The following FAM83A variants were observed in gnomAD, a reference collection of about 807,000 sequenced individuals.
FAM83A encodes the protein scaffolding CK1 anchoring protein A.
In FAM83A, 21 loss-of-function variants were observed where a neutral mutation model predicts 24.4. The observed-to-expected ratio is 0.86, with a 90% CI of 0.61 to 1.24. The LOEUF (loss-of-function observed/expected upper bound fraction) is 1.24, where lower values mean the gene tolerates loss of function less well. FAM83A is among the 50% of genes most tolerant of loss of function. The pLI is 0.00. For missense variants in FAM83A, 617 were observed against 579.8 expected (o/e 1.06, Z -0.66); for synonymous variants, 270 against 252.4 (o/e 1.07, Z -0.66).
At chr8:123,185,710 G>A (rs1432658649) in intron 1 of FAM83A, among the ~76,000 whole-genome samples, 1 of 152,192 alleles carries the variant, frequency 6.6e-6, no homozygotes, top group African/African-American at 2.4e-5. Flanking sequence ...TGTCTGCCAG[G>A]CACCCAATAA....
intron 3 of FAM83A, among the ~76,000 whole-genome samples, chr8:123,204,899 G>C (rs561835790): frequency 1.3e-5 from 2 of 152,142 alleles, no homozygotes; most frequent in Non-Finnish European, 2.9e-5. Context: ...GGATCACAAG[G>C]TCAGGAGTTC....
At chr8:123,195,701 G>A (rs1824126494) in intron 3 of FAM83A, among the ~76,000 whole-genome samples, 1 of 152,042 alleles carries the variant, frequency 6.6e-6, no homozygotes, top group South Asian at 2.1e-4. Context: ...ATAGACTGCT[G>A]CCTTTTCACT....
At chr8:123,204,729 C>G (rs1381230596) in intron 3 of FAM83A, among the ~76,000 whole-genome samples, 2 of 151,884 alleles carry the variant, frequency 1.3e-5, no homozygotes, top group Non-Finnish European at 2.9e-5. Flanking sequence ...CCACTGCACT[C>G]CAGCCTGGAC....
chr8:123,207,154 C>T lies in FAM83A; in HGVS notation c.774-3C>T. 6.4e-7 allele frequency: 1 copy of T among 1,570,198 alleles called. No individual in the cohort carries two copies. The highest frequency in any genetic ancestry group is 8.7e-7 in the Non-Finnish European group (1 of 1,153,510). ...CATCACTCTCTCTCCTCTTCCCCTC[C>T]AGCTTCACCTGGCTCTGCGGACACG... On this transcript the variant is annotated splice_polypyrimidine_tract_variant and splice_region_variant and intron_variant, in intron 3 of 3. Transcript: ENST00000690554.
At chr8:123,207,585 T>A (rs1271606388) in exon 4 of FAM83A, 4 of 1,574,662 alleles carry the variant, frequency 2.5e-6, no homozygotes, top group Non-Finnish European at 3.4e-6. Flanking sequence ...TACAGCAACC[T>A]GGGGGCCTAC....
chr8:123,194,129 G>T, exon 3 of FAM83A: 1 of 1,614,046 alleles, frequency 6.2e-7, no homozygotes, highest in East Asian at 2.2e-5. Flanking sequence ...CTGGAGATTT[G>T]TCCTGTCTGG....
intron 3 of FAM83A, among the ~76,000 whole-genome samples, chr8:123,206,641 G>A (rs887770418): frequency 1.3e-5 from 2 of 152,216 alleles, no homozygotes; most frequent in Non-Finnish European, 2.9e-5. Flanking sequence ...CTGAGCACCA[G>A]GAGGGAGCCT....
chr8:123,182,568 T>C (rs1823630080), upstream of FAM83A: 1 of 620,652 alleles, frequency 1.6e-6, no homozygotes, highest in Admixed American at 2.1e-5. Flanking sequence ...AAATATCCCA[T>C]GGCTGACTGT....
intron 3 of FAM83A, among the ~76,000 whole-genome samples, chr8:123,194,640 C>T (rs151232370): frequency 0.015 from 2,339 of 152,196 alleles, 61 homozygotes; most frequent in African/African-American, 0.052. Flanking sequence ...CCCGCCACCA[C>T]GCCCAGCGAA....
At chr8:123,188,939 G>A (rs774581382) in intron 1 of FAM83A, among the ~76,000 whole-genome samples, 18 of 152,176 alleles carry the variant, frequency 1.2e-4, no homozygotes, top group Non-Finnish European at 2.1e-4. Flanking sequence ...CAAGATGCTG[G>A]GTTATTTCCA....
At chr8:123,182,556 G>A, upstream of FAM83A, 1 of 596,070 alleles carries the variant, frequency 1.7e-6, no homozygotes, top group Non-Finnish European at 3.1e-6. Flanking sequence ...TGGGAGGAGA[G>A]GAAATATCCC....
At chr8:123,187,444 C>A (rs969068145) in intron 1 of FAM83A, among the ~76,000 whole-genome samples, 1 of 152,172 alleles carries the variant, frequency 6.6e-6, no homozygotes, top group African/African-American at 2.4e-5. Flanking sequence ...GGTGAAGGTG[C>A]GGACATCAGA....
At chr8:123,184,979 A>G (rs1823742686) in intron 1 of FAM83A, among the ~76,000 whole-genome samples, 2 of 152,214 alleles carry the variant, frequency 1.3e-5, no homozygotes, top group South Asian at 4.1e-4. Flanking sequence ...TGAAGAGGCC[A>G]TGTGTGGAGG....
intron 3 of FAM83A, among the ~76,000 whole-genome samples, chr8:123,198,063 G>A (rs59413499): frequency 0.083 from 12,626 of 152,156 alleles, 1,534 homozygotes; most frequent in African/African-American, 0.27. Context: ...CCTGGGAGGC[G>A]TAGGCTGCAG....
intron 2 of FAM83A, among the ~76,000 whole-genome samples, chr8:123,193,726 C>T (rs62521847): frequency 0.18 from 26,924 of 152,084 alleles, 2,588 homozygotes; most frequent in Admixed American, 0.24. Flanking sequence ...GCAGATTCGG[C>T]GTCTGGTGAA....
exon 4 of FAM83A, chr8:123,207,530 G>A: frequency 1.3e-6 from 2 of 1,565,302 alleles, no homozygotes; most frequent in Non-Finnish European, 1.7e-6. Flanking sequence ...GAGTCCCCAG[G>A]CCCACCTCTC....
At chr8:123,182,665 A>C in exon 1 of FAM83A, 1 of 858,270 alleles carries the variant, frequency 1.2e-6, no homozygotes, top group Non-Finnish European at 1.9e-6. Context: ...GCTGCAGATG[A>C]GGAGTTCTGA....
chr8:123,190,165 G>GA (rs912911169), intron 1 of FAM83A, among the ~76,000 whole-genome samples: 6 of 141,446 alleles, frequency 4.2e-5, no homozygotes, highest in African/African-American at 1.0e-4. Flanking sequence ...CATGTCTACA[G>GA]AAAAAAAATG....
intron 1 of FAM83A, among the ~76,000 whole-genome samples, chr8:123,190,009 C>G (rs1563782056): frequency 6.6e-6 from 1 of 152,064 alleles, no homozygotes; most frequent in East Asian, 1.9e-4. Flanking sequence ...TACTAACAGA[C>G]CACATCTATG....
Sources: gnomAD v4.1 joint callset for allele counts (sites outside exome capture counted in the v4.1 genomes callset) on GRCh38, gnomAD v4.1.1 for gene constraint, MANE v1.5 for transcripts, NCBI Gene and HGNC (gene_info 2026-07-23, HGNC 2026-07-21) for gene names.